CAPS2: variants seen among roughly 807,000 people sequenced by gnomAD.
CAPS2 encodes calcyphosin-2.
In CAPS2, 98 loss-of-function variants were observed where a neutral mutation model predicts 86.5. The ratio of observed to expected loss-of-function variants is 1.13; its 90% CI spans 0.96 to 1.34. The LOEUF (loss-of-function observed/expected upper bound fraction) is 1.34. Among genes scored for constraint, CAPS2 ranks in the 40% most tolerant of loss-of-function variants. CAPS2 has a pLI of 0.00. For missense variants in CAPS2, 729 were observed against 686.8 expected, an observed-to-expected ratio of 1.06 and a Z score of -0.69; for synonymous variants, 210 against 225.1, an observed-to-expected ratio of 0.93 and a Z score of 0.60.
chr12:75,315,372 T>C (rs1026117702), intron 6 of CAPS2, among the ~76,000 whole-genome samples: 2 of 152,124 alleles, frequency 1.3e-5, no homozygotes, highest in South Asian at 4.1e-4. Context: ...CCTGATAATA[T>C]TCATTCTATT....
chr12:75,354,626 C>A (rs1321517622), intron 1 of CAPS2, among the ~76,000 whole-genome samples: 1 of 152,156 alleles, frequency 6.6e-6, no homozygotes, highest in Admixed American at 6.6e-5. Flanking sequence ...TTAGAAAAAA[C>A]TATTTTAAAA....
intron 7 of CAPS2, chr12:75,305,794 C>T (rs2038402661): frequency 1.4e-6 from 1 of 735,012 alleles, no homozygotes; most frequent in Non-Finnish European, 2.5e-6. Context: ...ATGTCGTCGG[C>T]AGCTACAATT....
chr12:75,346,597 G>T (rs892587611), intron 1 of CAPS2, among the ~76,000 whole-genome samples: 1 of 152,098 alleles, frequency 6.6e-6, no homozygotes, highest in African/African-American at 2.4e-5. Context: ...TGCCATGTTG[G>T]CCAGGCTGAC....
intron 1 of CAPS2, among the ~76,000 whole-genome samples, chr12:75,375,351 G>C (rs186904555): frequency 1.3e-5 from 2 of 152,090 alleles, no homozygotes; most frequent in East Asian, 3.9e-4. Flanking sequence ...TTGGATCCCC[G>C]GGAATCAATG....
At chr12:75,316,932 T>C (rs2039831170) in intron 5 of CAPS2, among the ~76,000 whole-genome samples, 1 of 152,146 alleles carries the variant, frequency 6.6e-6, no homozygotes, top group African/African-American at 2.4e-5. Context: ...AAATTGTTCT[T>C]TGACTATGCG....
chr12:75,369,833 T>C, intron 1 of CAPS2: 1 of 1,326,208 alleles, frequency 7.5e-7, no homozygotes, highest in Non-Finnish European at 9.6e-7. Context: ...GAAAGTTTCA[T>C]TTTCTTGTTA....
chr12:75,359,314 T>A (rs2043389090), intron 1 of CAPS2, among the ~76,000 whole-genome samples: 1 of 148,780 alleles, frequency 6.7e-6, no homozygotes, highest in Non-Finnish European at 1.5e-5. Context: ...GCGACATATA[T>A]GTTGTTCAGT....
At chr12:75,365,598 G>C (rs2043911946) in intron 1 of CAPS2, among the ~76,000 whole-genome samples, 1 of 152,046 alleles carries the variant, frequency 6.6e-6, no homozygotes, top group Non-Finnish European at 1.5e-5. Context: ...TGCCCAGAGA[G>C]TTAATGAATA....
At chr12:75,381,246 C>A (rs971981218) in intron 1 of CAPS2, among the ~76,000 whole-genome samples, 1 of 152,160 alleles carries the variant, frequency 6.6e-6, no homozygotes, top group South Asian at 2.1e-4. Context: ...TCTCTCTTGT[C>A]GCCGCCATGT....
At chr12:75,327,553 T>C (rs147350232), upstream of CAPS2, among the ~76,000 whole-genome samples, 1,606 of 152,126 alleles carry the variant, frequency 0.011, 20 homozygotes, top group African/African-American at 0.031. Context: ...TTTATTTTAA[T>C]AGTAAATTAT....
At chr12:75,361,692 G>A (rs1255774166) in intron 1 of CAPS2, among the ~76,000 whole-genome samples, 2 of 151,802 alleles carry the variant, frequency 1.3e-5, no homozygotes, top group Non-Finnish European at 2.9e-5. Context: ...AGATAAGAGA[G>A]AAGGAGGAAC....
chr12:75,324,952 TA>T (rs1565912449), intron 2 of CAPS2, among the ~76,000 whole-genome samples: 1 of 152,132 alleles, frequency 6.6e-6, no homozygotes, highest in African/African-American at 2.4e-5. Flanking sequence ...AATGAATGCA[TA>T]TAGCTGAATT....
In CAPS2 at chr12:75,386,705, A is replaced by C. The variant is rs140556905; in HGVS notation, c.-395+4133T>G. On this transcript the variant is annotated intron_variant, in intron 1 of 5. Coordinates refer to the CAPS2 transcript ENST00000551829. ...AATTTAAAAGGTATAGTATTGGTGA[A>C]AGTAGAAATAAATCCATGGAACAGA... Among the ~76,000 whole-genome samples the C allele has an allele frequency of 1.2e-3, 176 of 152,350 alleles. 2 individuals carry two copies. In the East Asian group the frequency reaches 0.025, roughly 22 times the overall value.
chr12:75,277,210 CTT>C (rs11349252), exon 17 of CAPS2: 105,150 of 780,194 alleles, frequency 0.13, 60 homozygotes, highest in South Asian at 0.17. Context: ...AGTAGCTTCC[CTT>C]TTTTTTTTTT....
chr12:75,346,613 A>T (rs1283486021), intron 1 of CAPS2, among the ~76,000 whole-genome samples: 1 of 151,828 alleles, frequency 6.6e-6, no homozygotes, highest in Non-Finnish European at 1.5e-5. Context: ...CTGACCTCGA[A>T]CTCCTGACCT....
intron 1 of CAPS2, among the ~76,000 whole-genome samples, chr12:75,357,384 T>G (rs534853377): frequency 1.9e-4 from 29 of 152,252 alleles, no homozygotes; most frequent in African/African-American, 6.3e-4. Context: ...CCAATATTAC[T>G]GTAAAGAGAA....
At chr12:75,321,635 T>C in intron 4 of CAPS2, 59 bp from the exon 5 acceptor site, 1 of 1,263,004 alleles carries the variant, frequency 7.9e-7, no homozygotes. Context: ...TTTTCCTTAT[T>C]GGCATTAACA....
intron 1 of CAPS2, among the ~76,000 whole-genome samples, chr12:75,389,441 A>T (rs2045461434): frequency 6.6e-6 from 1 of 152,210 alleles, no homozygotes; most frequent in Non-Finnish European, 1.5e-5. Context: ...CCTGTCAGTG[A>T]TGTTCCGGAG....
chr12:75,373,695 C>T (rs1169407111), intron 1 of CAPS2: 5 of 152,974 alleles, frequency 3.3e-5, no homozygotes, highest in Admixed American at 1.3e-4. Flanking sequence ...ATCTGTAAAC[C>T]AGGCCCTAGT....
Sources: gnomAD v4.1 joint callset for allele counts (sites outside exome capture counted in the v4.1 genomes callset) on GRCh38, gnomAD v4.1.1 for gene constraint, MANE v1.5 for transcripts, NCBI Gene and HGNC (gene_info 2026-07-23, HGNC 2026-07-21) for gene names.